UBASH3B: variants seen among roughly 807,000 people sequenced by gnomAD.
The protein encoded by UBASH3B is ubiquitin-associated and SH3 domain-containing protein B.
UBASH3B carries 37 observed loss-of-function variants against 83.4 expected under a neutral mutation model. The ratio of observed to expected loss-of-function variants is 0.44; its 90% CI spans 0.34 to 0.58. The LOEUF is 0.58. UBASH3B is among the 20% of genes least tolerant of loss of function. The pLI is 0.01. For missense variants in UBASH3B, 657 were observed against 827.2 expected (o/e 0.79, Z 2.52); for synonymous variants, 304 against 318.3 (o/e 0.96, Z 0.48).
intron 1 of UBASH3B, among the ~76,000 whole-genome samples, chr11:122,729,739 C>T (rs1453381256): frequency 1.5e-5 from 2 of 135,680 alleles, no homozygotes; most frequent in Non-Finnish European, 3.0e-5. Flanking sequence ...GTGGGAGGAT[C>T]GCTTGAGCCC....
intron 11 of UBASH3B, among the ~76,000 whole-genome samples, chr11:122,803,819 G>A (rs1323889940): frequency 6.6e-6 from 1 of 152,088 alleles, no homozygotes; most frequent in African/African-American, 2.4e-5. Flanking sequence ...GATGCCACCT[G>A]ACTTCCAGAG....
chr11:122,656,377 C>T (rs1460951136), intron 1 of UBASH3B, among the ~76,000 whole-genome samples, 167 bp downstream of exon 1: 1 of 152,096 alleles, frequency 6.6e-6, no homozygotes, highest in Non-Finnish European at 1.5e-5. Flanking sequence ...GGACTCGGCT[C>T]CGGGCGGGGG....
rs1053446886 is a variant in UBASH3B, at chr11:122,812,387, A to G, written c.*2501A>G. On this transcript the variant is annotated 3_prime_UTR_variant, in exon 14 of 14. Coordinates refer to ENST00000284273, the MANE Select transcript of UBASH3B (RefSeq NM_032873.5). ...TGTAAATCATGTGGCATCTATGTATAATAAAAGAAAGAGACAACTATATTA... is the reference window on the plus strand; with the variant it reads ...TGTAAATCATGTGGCATCTATGTATGATAAAAGAAAGAGACAACTATATTA... 1 of 152,246 alleles carries G rather than the reference A, an allele frequency of 6.6e-6. No homozygotes were observed. The highest frequency in any genetic ancestry group is 1.5e-5 in the Non-Finnish European group (1 of 68,040). 9.4% of individuals were successfully genotyped at this position (152,246 alleles called of 1,614,324 possible).
At chr11:122,762,670 C>T (rs536943407) in intron 1 of UBASH3B, among the ~76,000 whole-genome samples, 14 of 152,336 alleles carry the variant, frequency 9.2e-5, no homozygotes, top group African/African-American at 3.1e-4. Context: ...CACCGTCACC[C>T]GTTCCCGGAT....
At position 122,712,896 on chromosome 11, in the gene UBASH3B, G is replaced by GT. The variant is rs386375116; in HGVS notation, c.161+56716dup. Among the ~76,000 whole-genome samples the GT allele has an allele frequency of 6.1e-3, 396 of 64,532 alleles. 68 individuals carry two copies. Among genetic ancestry groups the GT allele is most frequent in the South Asian group, 0.03 (36 of 1,210 alleles). 42.3% of individuals were successfully genotyped at this position (64,532 alleles called of 152,430 possible). ...GACATTCATCTTTCTTCTCTGGGTG[G>GT]TTTTTTTTTTTTTTTTTTTTTTTTT... On this transcript the variant is annotated intron_variant, in intron 1 of 13. Transcript: ENST00000284273.
intron 1 of UBASH3B, among the ~76,000 whole-genome samples, chr11:122,739,101 G>A (rs911736439): frequency 2.0e-5 from 3 of 152,036 alleles, no homozygotes; most frequent in Non-Finnish European, 4.4e-5. Context: ...AGGGCTCAGG[G>A]ATCCTCCTGC....
chr11:122,743,682 C>G (rs180771320), intron 1 of UBASH3B, among the ~76,000 whole-genome samples: 2 of 152,332 alleles, frequency 1.3e-5, no homozygotes, highest in East Asian at 3.9e-4. Flanking sequence ...TATTCGAAAG[C>G]AGGTCCCTGG....
rs757422141 is a variant in UBASH3B at position 122,801,252 on chromosome 11, G to T, written c.1515G>T (p.Trp505Cys). 31 of 1,611,918 alleles carry T rather than the reference G, an allele frequency of 1.9e-5. No homozygotes were observed. Among genetic ancestry groups the T allele is most frequent in the Non-Finnish European group, 2.5e-5 (30 of 1,179,272 alleles). ...VEPGLFEWTK[W>C]VAGSTLPAWI... ...CCGGCTTATTTGAGTGGACAAAATG[G>T]GTTGCTGGGAGCACATTACCTGCAT... The change falls in exon 11 of 14, where the codon TGG (tryptophan) becomes TGT (cysteine). Residue 505 changes from tryptophan to cysteine, a missense_variant. Physicochemically the swap from Trp to Cys is radical, Grantham distance 215. Transcript: ENST00000284273.
chr11:122,704,004 T>A (rs1864082309), intron 1 of UBASH3B, among the ~76,000 whole-genome samples: 1 of 152,214 alleles, frequency 6.6e-6, no homozygotes, highest in African/African-American at 2.4e-5. Context: ...AGTCAAGACC[T>A]CAACAATGAC....
intron 6 of UBASH3B, among the ~76,000 whole-genome samples, chr11:122,790,456 A>G (rs912276158): frequency 9.8e-5 from 15 of 152,338 alleles, no homozygotes; most frequent in Non-Finnish European, 2.2e-4. Context: ...TTTTTCAGAA[A>G]TGCTTTGGAA....
Position 122,776,322 on chromosome 11 carries a change from G to C in UBASH3B, c.215+50G>C, listed in dbSNP as rs554088414. ...GAAAATAGCATATAATTAACTCAAA[G>C]TGCATGTGGATGAGTGGGGAGGTGC... On this transcript the variant is annotated intron_variant, in intron 2 of 13. Coordinates refer to ENST00000284273, the MANE Select transcript of UBASH3B (RefSeq NM_032873.5). 3.2e-6 allele frequency: 5 copies of C among 1,540,272 alleles called. No homozygotes were observed. The South Asian group carries it at 5.9e-5, about 18-fold the overall frequency.
chr11:122,736,574 C>T (rs910102728), intron 1 of UBASH3B, among the ~76,000 whole-genome samples: 7 of 152,026 alleles, frequency 4.6e-5, no homozygotes, highest in African/African-American at 9.7e-5. Flanking sequence ...GCTTTAGCGA[C>T]GCTCTTCATT....
chr11:122,811,339 T>G lies in UBASH3B; in HGVS notation c.*1453T>G, dbSNP rs1367564597. 2 of 152,526 alleles carry G rather than the reference T, an allele frequency of 1.3e-5. No individual in the cohort carries two copies. The highest frequency in any genetic ancestry group is 4.8e-5 in the African/African-American group (2 of 41,446). 9.4% of individuals were successfully genotyped at this position (152,526 alleles called of 1,614,324 possible). A position where few individuals can be genotyped will look rare whatever the true frequency, so the allele number is the denominator to read the frequency against. On this transcript the variant is annotated 3_prime_UTR_variant, in exon 14 of 14. Transcript: ENST00000284273. ...TGGATCTTTACATGTTGCAGTAACA[T>G]TGACTATGTTTCAAAACTCAGATGC...
rs1452934041 is a variant in UBASH3B at position 122,811,489 on chromosome 11, G to GTTGTT, written c.*1616_*1620dup. ...TATGTTAATGAGCAAAAGGATTATA[G>GTTGTT]TTGTTTTGTTTTGTTTTTAGAGACA... On this transcript the variant is annotated 3_prime_UTR_variant, in exon 14 of 14. Transcript: ENST00000284273. The GTTGTT allele has an allele frequency of 2.6e-5, 4 of 152,106 alleles. No individual in the cohort carries two copies. The highest frequency in any genetic ancestry group is 7.2e-5 in the African/African-American group (3 of 41,412). 9.4% of individuals were successfully genotyped at this position (152,106 alleles called of 1,614,324 possible).
At chr11:122,737,698 T>C (rs1451976658) in intron 1 of UBASH3B, among the ~76,000 whole-genome samples, 2 of 151,944 alleles carry the variant, frequency 1.3e-5, no homozygotes, top group African/African-American at 2.4e-5. Context: ...AGAAGCAAAA[T>C]TGGCGGGGAA....
In UBASH3B at chr11:122,810,400, G is replaced by T. The variant is rs1270196494; in HGVS notation, c.*514G>T. The T allele has an allele frequency of 6.5e-6, 1 of 153,138 alleles. No homozygotes were observed. The highest frequency in any genetic ancestry group is 3.4e-3 in the Middle Eastern group (1 of 294). The allele number at this position is 153,138 out of a possible 1,614,324, so 9.5% of individuals were successfully genotyped here. On this transcript the variant is annotated 3_prime_UTR_variant, in exon 14 of 14. Coordinates refer to ENST00000284273, the MANE Select transcript of UBASH3B (RefSeq NM_032873.5). The stretch of plus-strand genomic sequence containing the variant: ...ATGCCCTGAAGAGAGTTGTTCTTAG[G>T]TTACACATGAAATCCTACCGTCACT...
intron 12 of UBASH3B, among the ~76,000 whole-genome samples, 165 bp from the exon 13 acceptor site, chr11:122,807,902 T>C (rs1182066593): frequency 6.6e-6 from 1 of 152,230 alleles, no homozygotes; most frequent in African/African-American, 2.4e-5. Context: ...TTAAAAAGAT[T>C]AAGCTGCCTT....
chr11:122,668,379 T>C (rs1028583698), intron 1 of UBASH3B, among the ~76,000 whole-genome samples: 1 of 152,226 alleles, frequency 6.6e-6, no homozygotes, highest in Non-Finnish European at 1.5e-5. Context: ...GTTTTCTCTG[T>C]CTTTTCCTTT....
intron 1 of UBASH3B, among the ~76,000 whole-genome samples, chr11:122,743,037 G>C (rs1051010402): frequency 2.0e-5 from 3 of 152,190 alleles, no homozygotes; most frequent in Non-Finnish European, 4.4e-5. Flanking sequence ...GCAGCTCTCT[G>C]TTCCTCCTCT....
Sources: gnomAD v4.1 joint callset for allele counts (sites outside exome capture counted in the v4.1 genomes callset) on GRCh38, gnomAD v4.1.1 for gene constraint, MANE v1.5 for transcripts, NCBI Gene and HGNC (gene_info 2026-07-23, HGNC 2026-07-21) for gene names.